The following OTUD3 variants were observed in gnomAD, a reference collection of about 807,000 sequenced individuals.
OTUD3 encodes the protein OTU deubiquitinase 3, also known as OTU domain-containing protein 3.
A neutral mutation model predicts 46.2 loss-of-function variants in OTUD3; 24 were observed. The ratio of observed to expected loss-of-function variants is 0.52; its 90% CI spans 0.38 to 0.73. The LOEUF is 0.73. Ranked by LOEUF, OTUD3 falls within the 30% of genes least tolerant of loss-of-function variation. The probability of loss-of-function intolerance (pLI) is 0.00; values close to 1 mark genes in which losing one functional copy is unlikely to be tolerated. For missense variants in OTUD3, 455 were observed against 523.3 expected, an observed-to-expected ratio of 0.87 and a Z score of 1.27; for synonymous variants, 189 against 195.4, an observed-to-expected ratio of 0.97 and a Z score of 0.27.
intron 2 of OTUD3, among the ~76,000 whole-genome samples, chr1:19,892,725 T>C (rs933127523): frequency 6.6e-5 from 10 of 152,204 alleles, no homozygotes; most frequent in Admixed American, 3.3e-4. Flanking sequence ...TGTGGCCATT[T>C]GCTTAGATTT....
At position 19,904,901 on chromosome 1, in the gene OTUD3, T is replaced by A. The variant is rs1295255927; in HGVS notation, c.749T>A (p.Leu250Ter). The A allele has an allele frequency of 6.5e-7, 1 of 1,533,906 alleles. No individual in the cohort carries two copies. Among genetic ancestry groups the A allele is most frequent in the Non-Finnish European group, 9.0e-7 (1 of 1,116,426 alleles). The change falls in exon 6 of 8, where the codon TTA becomes TAA. Residue 250 changes from leucine to a stop codon, truncating the protein, a stop_gained. Coordinates refer to ENST00000375120, the MANE Select transcript of OTUD3 (RefSeq NM_015207.2). LOFTEE classifies it high-confidence loss of function. ...TTGTTTCTTGGATAGGATTTTAATT[T>A]AATAGTCCAGAACCTGGAAGCTGAA... is the stretch of plus-strand genomic sequence containing the variant. The part of the protein sequence containing the change: ...CNATGCSDFN[L>*]IVQNLEAENY...
chr1:19,899,337 C>T (rs757785082), intron 4 of OTUD3, among the ~76,000 whole-genome samples: 34 of 152,184 alleles, frequency 2.2e-4, no homozygotes, highest in Non-Finnish European at 4.1e-4. Flanking sequence ...ACTCTCCCCA[C>T]CACTAGTTGT....
chr1:19,882,693 GC>G lies in OTUD3; in HGVS notation c.181del (p.Gln61ArgfsTer5). 6.9e-7 allele frequency: 1 copy of G among 1,452,384 alleles called. No homozygotes were observed. The allele number at this position is 1,452,384 out of a possible 1,614,324, so 90.0% of individuals were successfully genotyped here. A position where few individuals can be genotyped will look rare whatever the true frequency, so the allele number is the denominator to read the frequency against. ...AGTTCGTCAGCTTCGCCAACCAGCT[GC>G]AGGCCCTGGGGCTGAAGCTGCGGGA... ...EEFVSFANQL[Q>X]ALGLKLREVP... On this transcript the variant is annotated frameshift_variant, in exon 1 of 8. Coordinates refer to ENST00000375120, the MANE Select transcript of OTUD3 (RefSeq NM_015207.2). LOFTEE classifies it high-confidence loss of function.
chr1:19,894,787 T>C (rs957159621), intron 3 of OTUD3, among the ~76,000 whole-genome samples: 1 of 152,154 alleles, frequency 6.6e-6, no homozygotes, highest in African/African-American at 2.4e-5. Flanking sequence ...AAAGTCAGAG[T>C]GCTGCCTGTT....
At position 19,911,750 on chromosome 1, in the gene OTUD3, G is replaced by A. The variant is rs1052216604; in HGVS notation, c.*4004G>A. 2 of 152,154 alleles carry A rather than the reference G, an allele frequency of 1.3e-5. No individual in the cohort carries two copies. The highest frequency in any genetic ancestry group is 2.9e-5 in the Non-Finnish European group (2 of 68,038). The allele number at this position is 152,154 out of a possible 1,614,324, so 9.4% of individuals were successfully genotyped here. A position where few individuals can be genotyped will look rare whatever the true frequency, so the allele number is the denominator to read the frequency against. On this transcript the variant is annotated 3_prime_UTR_variant, in exon 8 of 8. Transcript: ENST00000375120. The stretch of plus-strand genomic sequence containing the variant: ...AGATCTAGATGGCATAAATTACGAC[G>A]TCTGCCATCGCATATTAGAAAGGGG...
rs1219039413 is a variant in OTUD3 at position 19,911,819 on chromosome 1, C to T, written c.*4073C>T. On this transcript the variant is annotated 3_prime_UTR_variant, in exon 8 of 8. Transcript: ENST00000375120. ...TGGAGAGAACACGGAGCACCAGTCA[C>T]CACGTGCACTTAGGATGCAGAGCTT... 6.6e-6 allele frequency: 1 copy of T among 152,318 alleles called. No individual in the cohort carries two copies. Among genetic ancestry groups the T allele is most frequent in the African/African-American group, 2.4e-5 (1 of 41,422 alleles). 9.4% of individuals were successfully genotyped at this position (152,318 alleles called of 1,614,324 possible).
intron 3 of OTUD3, among the ~76,000 whole-genome samples, chr1:19,896,825 C>T (rs1031897423): frequency 6.6e-6 from 1 of 152,102 alleles, no homozygotes; most frequent in East Asian, 1.9e-4. Flanking sequence ...TCTAGGGAGC[C>T]CCATTCTTGT....
chr1:19,883,266 C>T (rs2045301395), intron 1 of OTUD3, among the ~76,000 whole-genome samples: 1 of 152,218 alleles, frequency 6.6e-6, no homozygotes, highest in African/African-American at 2.4e-5. Flanking sequence ...TTCTTCCTTC[C>T]ATGGGCCTCA....
rs765533598 is a variant in OTUD3, at chr1:19,912,372, C to G, written c.*4626C>G. ...CACACATTTTCCCACTCTTACAGTT[C>G]ATTTTTCATAGTAGGAAGGGCCCTT... is the stretch of plus-strand genomic sequence containing the variant. On this transcript the variant is annotated 3_prime_UTR_variant, in exon 8 of 8. Coordinates refer to ENST00000375120, the MANE Select transcript of OTUD3 (RefSeq NM_015207.2). 6.6e-6 allele frequency: 1 copy of G among 152,506 alleles called. No homozygotes were observed. Among genetic ancestry groups the G allele is most frequent in the South Asian group, 2.1e-4 (1 of 4,836 alleles). The allele number at this position is 152,506 out of a possible 1,614,324, so 9.4% of individuals were successfully genotyped here. A position where few individuals can be genotyped will look rare whatever the true frequency, so the allele number is the denominator to read the frequency against.
In OTUD3 at chr1:19,895,746, G is replaced by A. The variant is rs188435993; in HGVS notation, c.483+1266G>A. On this transcript the variant is annotated intron_variant, in intron 3 of 7. Transcript: ENST00000375120. ...CCATGGGGTTCTGTTTTCCAAGGGC[G>A]ATGTTTGAGCAAAAATACTGGTTAC... 2.1e-4 allele frequency among the ~76,000 whole-genome samples: 32 copies of A among 152,290 alleles called. No homozygotes were observed. In the East Asian group the frequency reaches 6.0e-3, roughly 28 times the overall value.
chr1:19,890,611 C>G, intron 2 of OTUD3, 78 bp downstream of exon 2: 1 of 1,277,076 alleles, frequency 7.8e-7, no homozygotes, highest in Non-Finnish European at 1.1e-6. Context: ...CTCCCCCCTC[C>G]CAGCCAAGGG....
chr1:19,902,441 G>A (rs541171798), intron 4 of OTUD3, among the ~76,000 whole-genome samples: 10 of 152,212 alleles, frequency 6.6e-5, no homozygotes, highest in East Asian at 1.9e-4. Flanking sequence ...TCCTGACCTC[G>A]TGATCCACCC....
chr1:19,894,425 C>T lies in OTUD3; in HGVS notation c.428C>T (p.Ala143Val), dbSNP rs1487139882. The T allele has an allele frequency of 1.9e-6, 3 of 1,611,300 alleles. No individual in the cohort carries two copies. The highest frequency in any genetic ancestry group is 2.5e-6 in the Non-Finnish European group (3 of 1,178,652). ...GGCAATGATGCAATTGTAGCCTTTG[C>T]AAGAAATCATCAGTTGAATGTAGTG... Reference protein sequence around the residue: ...FAGNDAIVAFARNHQLNVVIH... With the variant: ...FAGNDAIVAFVRNHQLNVVIH... The change falls in exon 3 of 8, where the codon GCA becomes GTA. Residue 143 changes from alanine to valine, a missense_variant. By Grantham distance (64) the Ala-to-Val change is moderately conservative. Transcript: ENST00000375120.
intron 1 of OTUD3, among the ~76,000 whole-genome samples, chr1:19,888,668 G>A (rs530855207): frequency 5.0e-4 from 76 of 152,286 alleles, no homozygotes; most frequent in African/African-American, 1.8e-3. Context: ...GTGACCTTGG[G>A]CAGGTTTCCC....
intron 6 of OTUD3, among the ~76,000 whole-genome samples, 185 bp downstream of exon 6, chr1:19,905,172 G>A (rs1055969405): frequency 6.6e-6 from 1 of 152,142 alleles, no homozygotes; most frequent in Non-Finnish European, 1.5e-5. Context: ...GGGGAGTATA[G>A]TTCAGGGGTA....
At position 19,899,188 on chromosome 1, in the gene OTUD3, C is replaced by T. The variant is rs80073709; in HGVS notation, c.606+1526C>T. Among the ~76,000 whole-genome samples the T allele has an allele frequency of 4.8e-3, 732 of 152,284 alleles. 7 individuals are homozygous for T. The highest frequency in any genetic ancestry group is 0.017 in the African/African-American group (707 of 41,558). On this transcript the variant is annotated intron_variant, in intron 4 of 7. Coordinates refer to ENST00000375120, the MANE Select transcript of OTUD3 (RefSeq NM_015207.2). Reference sequence around the variant, plus strand: ...GTAATGGGATATATAGTCAAAGTCACTCTCCTACCCTTGTACTTCAGCCAC... The same window carrying T: ...GTAATGGGATATATAGTCAAAGTCATTCTCCTACCCTTGTACTTCAGCCAC...
In OTUD3 at chr1:19,908,420, A is replaced by G. The variant is rs1458661160; in HGVS notation, c.*674A>G. ...AGTTCATTTGCACTCAAGCCATATG[A>G]TAAATGCAGCTGACTGTTAATTAGG... On this transcript the variant is annotated 3_prime_UTR_variant, in exon 8 of 8. Transcript: ENST00000375120. 1 of 152,366 alleles carries G rather than the reference A, an allele frequency of 6.6e-6. No homozygotes were observed. The highest frequency in any genetic ancestry group is 2.4e-5 in the African/African-American group (1 of 41,462). The allele number at this position is 152,366 out of a possible 1,614,324, so 9.4% of individuals were successfully genotyped here.
chr1:19,904,197 C>A, intron 4 of OTUD3, 70 bp from the exon 5 acceptor site: 5 of 1,268,054 alleles, frequency 3.9e-6, no homozygotes, highest in Non-Finnish European at 4.3e-6. Context: ...ATTAGAGTGT[C>A]TTGTGTTAAA....
At chr1:19,900,441 C>T (rs747026234) in intron 4 of OTUD3, among the ~76,000 whole-genome samples, 2 of 151,970 alleles carry the variant, frequency 1.3e-5, no homozygotes, top group East Asian at 1.9e-4. Flanking sequence ...CCTCCTGCCT[C>T]GACCACCCAA....
Sources: gnomAD v4.1 joint callset for allele counts (sites outside exome capture counted in the v4.1 genomes callset) on GRCh38, gnomAD v4.1.1 for gene constraint, MANE v1.5 for transcripts, NCBI Gene and HGNC (gene_info 2026-07-23, HGNC 2026-07-21) for gene names.